Variants in MED24 observed in about 807,000 individuals in gnomAD.
MED24 encodes mediator of RNA polymerase II transcription subunit 24.
A neutral mutation model predicts 118.8 loss-of-function variants in MED24; 74 were observed. The observed-to-expected ratio is 0.62, with a 90% CI of 0.52 to 0.76. The LOEUF is 0.76. Ranked by LOEUF, MED24 falls within the 30% of genes least tolerant of loss-of-function variation. The pLI is 0.00. For synonymous variants in MED24, 521 were observed against 523.9 expected, an observed-to-expected ratio of 0.99 and a Z score of 0.08; for missense variants, 1,041 against 1,278.9, an observed-to-expected ratio of 0.81 and a Z score of 2.84.
intron 4 of MED24, 113 bp from the exon 5 acceptor site, chr17:40,035,908 C>A: frequency 8.6e-7 from 1 of 1,158,546 alleles, no homozygotes. Context: ...ACCCTGGGTT[C>A]CAGACTCAGC....
At chr17:40,026,423 C>A in intron 18 of MED24, 92 bp from the exon 19 acceptor site, 1 of 1,481,898 alleles carries the variant, frequency 6.7e-7, no homozygotes, top group Non-Finnish European at 9.2e-7. Context: ...CTAAGTGCAG[C>A]GGGTGGAGTC....
chr17:40,027,077 C>T (rs1982748874), intron 16 of MED24, 43 bp from the exon 17 acceptor site: 8 of 1,602,586 alleles, frequency 5.0e-6, no homozygotes, highest in Middle Eastern at 1.7e-4. Flanking sequence ...GGGGAGGGCG[C>T]GGCGCCTGCC....
intron 3 of MED24, among the ~76,000 whole-genome samples, chr17:40,042,968 T>C (rs1325700853): frequency 6.6e-6 from 1 of 152,362 alleles, no homozygotes; most frequent in African/African-American, 2.4e-5. Context: ...TTTATTTATT[T>C]TGAGATAGGA....
chr17:40,043,249 G>A (rs1015302144), intron 3 of MED24, among the ~76,000 whole-genome samples: 1 of 152,074 alleles, frequency 6.6e-6, no homozygotes, highest in African/African-American at 2.4e-5. Flanking sequence ...TGTTAATAAT[G>A]AGATTTTCCC....
intron 14 of MED24, 88 bp from the exon 15 acceptor site, chr17:40,028,034 A>G: frequency 7.5e-7 from 1 of 1,332,750 alleles, no homozygotes; most frequent in Non-Finnish European, 1.1e-6. Context: ...AGAGAGCGAT[A>G]GCTAGAGTCT....
chr17:40,049,559 GCT>G (rs1353635483), intron 3 of MED24, among the ~76,000 whole-genome samples: 2 of 151,768 alleles, frequency 1.3e-5, no homozygotes, highest in Admixed American at 6.6e-5. Flanking sequence ...ATGGAGTCTC[GCT>G]CTGTCACCAG....
intron 3 of MED24, among the ~76,000 whole-genome samples, chr17:40,044,473 T>A (rs1984935382): frequency 6.6e-6 from 1 of 151,580 alleles, no homozygotes; most frequent in Admixed American, 6.6e-5. Flanking sequence ...TGAGCCAAGA[T>A]TATGCCACTA....
rs776775500 is a variant in MED24, at chr17:40,032,034, C to G, written c.984+9G>C. 6.2e-7 allele frequency: 1 copy of G among 1,613,550 alleles called. No homozygotes were observed. Among genetic ancestry groups the G allele is most frequent in the East Asian group, 2.2e-5 (1 of 44,854 alleles). ...TGCTCCCATGCCTCCATCTCAATCC[C>G]CAACTCACCTTGTCTCCATGAGAGT... On this transcript the variant is annotated intron_variant, in intron 10 of 25. Coordinates refer to ENST00000394128, the MANE Select transcript of MED24 (RefSeq NM_014815.4).
chr17:40,042,895 A>G (rs1169979450), intron 3 of MED24, among the ~76,000 whole-genome samples: 2 of 152,250 alleles, frequency 1.3e-5, no homozygotes, highest in East Asian at 3.8e-4. Flanking sequence ...AATACAAAAA[A>G]TAAAAGTCCA....
At chr17:40,051,689 G>A (rs933000656) in intron 3 of MED24, among the ~76,000 whole-genome samples, 16 of 151,834 alleles carry the variant, frequency 1.1e-4, no homozygotes, top group African/African-American at 2.4e-5. Flanking sequence ...TTGGGAGGCC[G>A]AGGTGGGTGG....
intron 20 of MED24, 95 bp from the exon 21 acceptor site, chr17:40,022,921 C>CCCTCT: frequency 1.4e-6 from 2 of 1,457,754 alleles, no homozygotes; most frequent in Non-Finnish European, 1.9e-6. Context: ...CAGTAAGGCC[C>CCCTCT]GCAGAGGGGG....
At position 40,036,060 on chromosome 17, in the gene MED24, G is replaced by T. The variant is rs966531228; in HGVS notation, c.252+56C>A. 6 of 1,550,230 alleles carry T rather than the reference G, an allele frequency of 3.9e-6. No individual in the cohort carries two copies. In the Middle Eastern group the frequency reaches 5.0e-4, roughly 130 times the overall value. On this transcript the variant is annotated intron_variant, in intron 4 of 25. Transcript: ENST00000394128. ...GGGTCACAGCATCAGGGCCGTCAAG[G>T]AGGCGGGGCCTTGTCTGTCATCCCC...
At chr17:40,054,408 CA>C (rs1391684888), upstream of MED24, 1 of 152,376 alleles carries the variant, frequency 6.6e-6, no homozygotes, top group East Asian at 1.9e-4. Flanking sequence ...TGGCACTTGT[CA>C]AGAAGCTCAC....
rs763589248 is a variant in MED24 at position 40,035,333 on chromosome 17, C to T, written c.343G>A (p.Glu115Lys). Residue 115 changes from glutamate to lysine, a missense_variant, in exon 6 of 26, where the codon GAG (glutamate) becomes AAG (lysine). Around this residue, in one of 3 missense-constraint regions of MED24, gnomAD observed 434 missense variants for 514.9 expected, o/e 0.84. Coordinates refer to ENST00000394128, the MANE Select transcript of MED24 (RefSeq NM_014815.4). ...GCTCGGCACAGTCCGATGCATTCCTCTGCTTTGCCGTGACAGCTACAGGGA... is the reference window on the plus strand; with the variant it reads ...GCTCGGCACAGTCCGATGCATTCCTTTGCTTTGCCGTGACAGCTACAGGGA... Reference protein sequence around the residue: ...CDRLSCHGKAEECIGLCRALL... With the variant: ...CDRLSCHGKAKECIGLCRALL... 1.3e-6 allele frequency: 2 copies of T among 1,592,136 alleles called. No individual in the cohort carries two copies. Among genetic ancestry groups the T allele is most frequent in the Non-Finnish European group, 1.7e-6 (2 of 1,164,932 alleles).
chr17:40,019,935 T>C lies in MED24; in HGVS notation c.2705-2A>G. The C allele has an allele frequency of 6.4e-7, 1 of 1,561,426 alleles. No homozygotes were observed. The highest frequency in any genetic ancestry group is 1.2e-5 in the South Asian group (1 of 84,852). On this transcript the variant is annotated splice_acceptor_variant, in intron 24 of 25. Coordinates refer to ENST00000394128, the MANE Select transcript of MED24 (RefSeq NM_014815.4). LOFTEE classifies it high-confidence loss of function. ...AGGAGATGAGCAGGAACAGGTTGGC[T>C]GTAGAGAGTGGGGGGAGAGTGACAG...
chr17:40,024,466 G>A (rs1455842969), intron 19 of MED24, among the ~76,000 whole-genome samples: 3 of 152,092 alleles, frequency 2.0e-5, no homozygotes, highest in South Asian at 2.1e-4. Flanking sequence ...CCCAGGAGGC[G>A]GAGATTGCAG....
At chr17:40,048,638 C>T (rs1985497796) in intron 3 of MED24, among the ~76,000 whole-genome samples, 1 of 152,146 alleles carries the variant, frequency 6.6e-6, no homozygotes, top group Non-Finnish European at 1.5e-5. Flanking sequence ...ACTGCAGGCT[C>T]CACTTCCCGG....
rs1316937893 is a variant in MED24, at chr17:40,027,508, G to A, written c.1448-43C>T. ...GGCTGAGCTCCCAGACGAGGGCAGG[G>A]GGGAGCCCGTGTCTGGGTTGACAGG... is the stretch of plus-strand genomic sequence containing the variant. On this transcript the variant is annotated intron_variant, in intron 15 of 25. Transcript: ENST00000394128. 4 of 1,564,266 alleles carry A rather than the reference G, an allele frequency of 2.6e-6. No individual in the cohort carries two copies. The East Asian group carries it at 9.3e-5, about 36-fold the overall frequency.
At chr17:40,021,032 G>A (rs144303034) in intron 23 of MED24, 279 of 153,642 alleles carry the variant, frequency 1.8e-3, no homozygotes, top group South Asian at 3.8e-3. Flanking sequence ...GAGATCGTGC[G>A]ACTGCACTCC....
Sources: allele counts gnomAD v4.1 joint callset (sites outside exome capture counted in the v4.1 genomes callset), GRCh38; gene constraint gnomAD v4.1.1; regional missense constraint gnomAD v4.1.1; transcripts MANE v1.5; gene names NCBI Gene and HGNC (gene_info 2026-07-23, HGNC 2026-07-21).